The following PTPRD variants were observed in gnomAD, a reference collection of about 807,000 sequenced individuals.
PTPRD encodes receptor-type tyrosine-protein phosphatase delta.
PTPRD carries 34 observed loss-of-function variants against 214.5 expected under a neutral mutation model. The ratio of observed to expected loss-of-function variants is 0.16; its 90% CI spans 0.12 to 0.21. The LOEUF is 0.21. Among genes scored for constraint, PTPRD ranks in the 10% least tolerant of loss-of-function variants. The probability of loss-of-function intolerance (pLI) is 1.00; values close to 1 mark genes in which losing one functional copy is unlikely to be tolerated. For synonymous variants in PTPRD, 1,128 were observed against 845.7 expected (o/e 1.33, Z -5.79); for missense variants, 2,545 against 2,398.7 (o/e 1.06, Z -1.27).
chr9:8,489,862 A>T (rs576671950), intron 27 of PTPRD, among the ~76,000 whole-genome samples: 26 of 152,320 alleles, frequency 1.7e-4, no homozygotes, highest in African/African-American at 5.5e-4. Flanking sequence ...ATTTACCAAC[A>T]ATTCACTTTG....
At chr9:9,173,798 A>G (rs557712696) in intron 10 of PTPRD, among the ~76,000 whole-genome samples, 1 of 152,180 alleles carries the variant, frequency 6.6e-6, no homozygotes, top group African/African-American at 2.4e-5. Flanking sequence ...GCTCGTCACT[A>G]TCTAATATAC....
intron 34 of PTPRD, among the ~76,000 whole-genome samples, chr9:8,440,973 G>C (rs1336379169): frequency 6.6e-6 from 1 of 152,202 alleles, no homozygotes; most frequent in East Asian, 1.9e-4. Flanking sequence ...CATGCAGCTT[G>C]GGCATCTTTC....
At chr9:8,445,543 A>C (rs1400463601) in intron 34 of PTPRD, among the ~76,000 whole-genome samples, 3 of 152,180 alleles carry the variant, frequency 2.0e-5, no homozygotes, top group African/African-American at 7.2e-5. Context: ...AAAAATGATA[A>C]ATGTTCCCGT....
chr9:9,160,930 A>T (rs59206869), intron 10 of PTPRD, among the ~76,000 whole-genome samples: 13,590 of 152,206 alleles, frequency 0.089, 666 homozygotes, highest in African/African-American at 0.12. Flanking sequence ...AGGCACAGAA[A>T]GACAAATACC....
At chr9:9,638,726 G>A (rs1330526676) in intron 7 of PTPRD, among the ~76,000 whole-genome samples, 1 of 152,130 alleles carries the variant, frequency 6.6e-6, no homozygotes, top group Non-Finnish European at 1.5e-5. Context: ...ATCAACTTCT[G>A]TCTTAGTGTG....
chr9:10,476,600 G>C (rs2099064037), intron 2 of PTPRD, among the ~76,000 whole-genome samples: 1 of 152,068 alleles, frequency 6.6e-6, no homozygotes, highest in Non-Finnish European at 1.5e-5. Context: ...TTCCCATCAA[G>C]CTACCATTGA....
chr9:8,590,395 A>G (rs768418508), intron 14 of PTPRD, among the ~76,000 whole-genome samples: 1 of 152,206 alleles, frequency 6.6e-6, no homozygotes, highest in Non-Finnish European at 1.5e-5. Flanking sequence ...GCTATATCCT[A>G]AAATTCAAGT....
intron 3 of PTPRD, among the ~76,000 whole-genome samples, chr9:10,091,066 GT>G (rs1174912316): frequency 6.6e-6 from 1 of 150,914 alleles, no homozygotes; most frequent in African/African-American, 2.4e-5. Context: ...CCTGGTATAT[GT>G]AAAACAAATA....
intron 3 of PTPRD, among the ~76,000 whole-genome samples, chr9:10,151,644 G>T (rs1205731552): frequency 6.6e-6 from 1 of 151,976 alleles, no homozygotes; most frequent in Non-Finnish European, 1.5e-5. Flanking sequence ...ATAAAATACT[G>T]TGAGTTTTGG....
intron 3 of PTPRD, among the ~76,000 whole-genome samples, chr9:10,087,875 G>A (rs1330825150): frequency 2.6e-5 from 4 of 151,684 alleles, no homozygotes; most frequent in Non-Finnish European, 4.4e-5. Flanking sequence ...AAGTTTATAT[G>A]ATTCAATGTA....
intron 9 of PTPRD, among the ~76,000 whole-genome samples, chr9:9,184,407 G>C (rs1422070197): frequency 3.9e-5 from 6 of 151,906 alleles, no homozygotes; most frequent in African/African-American, 1.5e-4. Context: ...TTACCTATAG[G>C]TTAAATCCCT....
intron 3 of PTPRD, among the ~76,000 whole-genome samples, chr9:10,228,287 TA>T (rs1471426602): frequency 3.3e-5 from 5 of 152,048 alleles, no homozygotes; most frequent in Admixed American, 1.3e-4. Flanking sequence ...AATGTTTGAA[TA>T]GTTTGTTTTC....
chr9:10,491,522 T>C lies in PTPRD; in HGVS notation c.-600+120876A>G, dbSNP rs539896724. 2.5e-4 allele frequency among the ~76,000 whole-genome samples: 38 copies of C among 151,926 alleles called. No homozygotes were observed. The South Asian group carries it at 7.5e-3, about 30-fold the overall frequency. Reference sequence around the variant, plus strand: ...TGCTACATCATTTTTATTGCATGCCTACAAGATGAACAAAAAAAACCCATT... The same window carrying C: ...TGCTACATCATTTTTATTGCATGCCCACAAGATGAACAAAAAAAACCCATT... On this transcript the variant is annotated intron_variant, in intron 2 of 45. Transcript: ENST00000381196.
intron 27 of PTPRD, among the ~76,000 whole-genome samples, chr9:8,490,533 A>G (rs1393588413): frequency 1.3e-5 from 2 of 152,234 alleles, no homozygotes; most frequent in East Asian, 1.9e-4. Context: ...GCTGTTCAAT[A>G]TAGTACTGAA....
At chr9:8,479,845 G>T (rs935048565) in intron 30 of PTPRD, among the ~76,000 whole-genome samples, 3 of 152,012 alleles carry the variant, frequency 2.0e-5, no homozygotes, top group Non-Finnish European at 2.9e-5. Context: ...TTAATGGAAT[G>T]AATTTATAGT....
chr9:10,402,874 G>A (rs2098293922), intron 2 of PTPRD, among the ~76,000 whole-genome samples: 2 of 151,708 alleles, frequency 1.3e-5, no homozygotes, highest in South Asian at 2.1e-4. Context: ...AGCCTAAGGA[G>A]TAGTAGGCTT....
intron 8 of PTPRD, among the ~76,000 whole-genome samples, chr9:9,405,511 A>G (rs914636390): frequency 2.6e-5 from 4 of 152,052 alleles, no homozygotes; most frequent in African/African-American, 9.7e-5. Flanking sequence ...CTTCATGGGA[A>G]ACATTCTGCT....
chr9:8,596,201 C>T (rs914350298), intron 14 of PTPRD, among the ~76,000 whole-genome samples: 2 of 151,830 alleles, frequency 1.3e-5, no homozygotes, highest in Non-Finnish European at 2.9e-5. Context: ...TTTTGCATAT[C>T]ATGAATTATC....
At chr9:9,996,605 C>T (rs1016032298) in intron 4 of PTPRD, among the ~76,000 whole-genome samples, 2 of 152,172 alleles carry the variant, frequency 1.3e-5, no homozygotes, top group Non-Finnish European at 2.9e-5. Flanking sequence ...AATATGTAAA[C>T]TGCCTTGCTA....
Sources: gnomAD v4.1 joint callset for allele counts (sites outside exome capture counted in the v4.1 genomes callset) on GRCh38, gnomAD v4.1.1 for gene constraint, MANE v1.5 for transcripts, NCBI Gene and HGNC (gene_info 2026-07-23, HGNC 2026-07-21) for gene names.